The following PTPRG variants were observed in gnomAD, a reference collection of about 807,000 sequenced individuals.
The protein encoded by PTPRG is receptor-type tyrosine-protein phosphatase gamma.
A neutral mutation model predicts 165.3 loss-of-function variants in PTPRG; 102 were observed. The ratio of observed to expected loss-of-function variants is 0.62; its 90% CI spans 0.53 to 0.73. PTPRG has a LOEUF of 0.73. Ranked by LOEUF, PTPRG falls within the 30% of genes least tolerant of loss-of-function variation. PTPRG has a pLI of 0.00. For missense variants in PTPRG, 1,866 were observed against 1,861.4 expected (o/e 1.00, Z -0.05); for synonymous variants, 675 against 669.5 (o/e 1.01, Z -0.13).
At chr3:62,141,915 T>C (rs908496207) in intron 6 of PTPRG, among the ~76,000 whole-genome samples, 1 of 151,206 alleles carries the variant, frequency 6.6e-6, no homozygotes, top group Non-Finnish European at 1.5e-5. Flanking sequence ...AAAGAAGACA[T>C]GTGGGCAAGA....
At chr3:61,992,170 A>G (rs1213699427) in intron 3 of PTPRG, among the ~76,000 whole-genome samples, 1 of 152,178 alleles carries the variant, frequency 6.6e-6, no homozygotes, top group African/African-American at 2.4e-5. Flanking sequence ...TAAATACTCT[A>G]AGATGATTCT....
chr3:62,200,363 C>T (rs998223610), intron 10 of PTPRG, among the ~76,000 whole-genome samples: 5 of 152,216 alleles, frequency 3.3e-5, no homozygotes, highest in Admixed American at 1.3e-4. Context: ...CTCCACCTCC[C>T]GGATTCAAGC....
intron 1 of PTPRG, among the ~76,000 whole-genome samples, chr3:61,571,695 G>T (rs903424131): frequency 6.6e-6 from 1 of 152,138 alleles, no homozygotes; most frequent in African/African-American, 2.4e-5. Context: ...TGTAATTTGA[G>T]AACTTTTGTT....
intron 4 of PTPRG, among the ~76,000 whole-genome samples, chr3:62,020,754 TCC>T (rs1329734322): frequency 6.6e-6 from 1 of 152,128 alleles, no homozygotes; most frequent in Middle Eastern, 3.4e-3. Context: ...TTGCTCTGTC[TCC>T]CAGGCTGGAA....
In PTPRG at chr3:61,571,559, A is replaced by G. The variant is rs141435578; in HGVS notation, c.85+9187A>G. 6.3e-3 allele frequency among the ~76,000 whole-genome samples: 955 copies of G among 152,284 alleles called. 11 individuals are homozygous for G. The highest frequency in any genetic ancestry group is 0.01 in the Non-Finnish European group (707 of 68,008). Reference sequence around the variant, plus strand: ...TTTATTTGGTTACGTTGAAGAGATGACCTTTCAGCAAATTACTTTAGCTTC... The same window carrying G: ...TTTATTTGGTTACGTTGAAGAGATGGCCTTTCAGCAAATTACTTTAGCTTC... On this transcript the variant is annotated intron_variant, in intron 1 of 29. Coordinates refer to ENST00000474889, the MANE Select transcript of PTPRG (RefSeq NM_002841.4).
At chr3:61,977,115 T>TA (rs1267956072) in intron 2 of PTPRG, among the ~76,000 whole-genome samples, 3 of 152,174 alleles carry the variant, frequency 2.0e-5, no homozygotes, top group African/African-American at 7.2e-5. Flanking sequence ...ATACCACAGA[T>TA]AGATTGTATA....
intron 2 of PTPRG, among the ~76,000 whole-genome samples, chr3:61,828,704 T>C (rs1209250342): frequency 6.6e-6 from 1 of 152,176 alleles, no homozygotes; most frequent in Non-Finnish European, 1.5e-5. Context: ...AGTATTGGAC[T>C]TGAGCCAATG....
intron 2 of PTPRG, among the ~76,000 whole-genome samples, chr3:61,859,485 C>T (rs547149894): frequency 6.6e-6 from 1 of 152,220 alleles, no homozygotes; most frequent in South Asian, 2.1e-4. Flanking sequence ...TCCCCCTATG[C>T]CTCTGTCCCC....
intron 1 of PTPRG, among the ~76,000 whole-genome samples, chr3:61,708,778 C>G (rs1254365612): frequency 6.6e-6 from 1 of 152,094 alleles, no homozygotes; most frequent in Non-Finnish European, 1.5e-5. Flanking sequence ...TTAAATTGAG[C>G]AATGCATAAA....
intron 7 of PTPRG, among the ~76,000 whole-genome samples, chr3:62,160,187 T>A (rs1704695401): frequency 6.6e-6 from 1 of 152,226 alleles, no homozygotes. Context: ...ATATTCACCA[T>A]GAAATATAAC....
At chr3:62,064,037 A>T (rs1399711614) in intron 4 of PTPRG, among the ~76,000 whole-genome samples, 1 of 151,990 alleles carries the variant, frequency 6.6e-6, no homozygotes, top group East Asian at 1.9e-4. Context: ...CCCTAAATGG[A>T]TCTATTAGAT....
intron 5 of PTPRG, among the ~76,000 whole-genome samples, chr3:62,093,405 G>A (rs1478144355): frequency 3.3e-5 from 5 of 152,210 alleles, no homozygotes; most frequent in African/African-American, 7.2e-5. Flanking sequence ...ACGGCAGGAA[G>A]CCAAGTGATC....
intron 3 of PTPRG, among the ~76,000 whole-genome samples, chr3:61,996,622 T>C (rs1401523867): frequency 6.6e-6 from 1 of 152,242 alleles, no homozygotes; most frequent in East Asian, 1.9e-4. Flanking sequence ...GGGGCATCTC[T>C]GGTTAGCTTA....
chr3:61,683,955 A>C (rs1167196029), intron 1 of PTPRG, among the ~76,000 whole-genome samples: 5 of 152,220 alleles, frequency 3.3e-5, no homozygotes, highest in African/African-American at 1.2e-4. Context: ...TATTGGTAAC[A>C]TTTAGAAATG....
At chr3:61,911,064 A>G (rs1231824357) in intron 2 of PTPRG, among the ~76,000 whole-genome samples, 1 of 151,702 alleles carries the variant, frequency 6.6e-6, no homozygotes, top group Admixed American at 6.6e-5. Flanking sequence ...GATAACGTCT[A>G]CTCTTCCAGT....
intron 7 of PTPRG, among the ~76,000 whole-genome samples, chr3:62,161,185 G>A (rs1246526555): frequency 6.6e-6 from 1 of 152,168 alleles, no homozygotes; most frequent in East Asian, 1.9e-4. Context: ...TATGTATAAA[G>A]TGCACATCAC....
At chr3:61,903,405 G>T (rs1422943164) in intron 2 of PTPRG, among the ~76,000 whole-genome samples, 1 of 152,126 alleles carries the variant, frequency 6.6e-6, no homozygotes, top group Non-Finnish European at 1.5e-5. Flanking sequence ...ACGGAGTCTT[G>T]TTCTGTCTCC....
intron 1 of PTPRG, among the ~76,000 whole-genome samples, chr3:61,678,992 C>T (rs75098119): frequency 4.6e-5 from 7 of 151,816 alleles, no homozygotes; most frequent in Non-Finnish European, 1.0e-4. Context: ...CGTTAAGTGA[C>T]GACAGTCATC....
chr3:62,231,302 A>T lies in PTPRG; in HGVS notation c.2366A>T (p.Lys789Met). The change falls in exon 14 of 30, where the codon AAG (lysine) becomes ATG (methionine). Residue 789 changes from lysine (K) to methionine (M), a missense_variant. This residue lies in a region of PTPRG where 1,452 missense variants were observed against 1,463.0 expected (regional missense o/e 0.99). Transcript: ENST00000474889. ...EVPSSGERGE[K>M]GSRKCFQTAH... Reference sequence around the variant, plus strand: ...CCTTCTTCTGGGGAGAGAGGAGAGAAGGGGAGCAGGTGAGGGGCGGTCAAG... The same window carrying T: ...CCTTCTTCTGGGGAGAGAGGAGAGATGGGGAGCAGGTGAGGGGCGGTCAAG... The T allele has an allele frequency of 6.3e-7, 1 of 1,593,246 alleles. No homozygotes were observed. The highest frequency in any genetic ancestry group is 2.3e-5 in the East Asian group (1 of 43,574).
Sources: gnomAD v4.1 joint callset for allele counts (sites outside exome capture counted in the v4.1 genomes callset) on GRCh38, gnomAD v4.1.1 for gene constraint, gnomAD v4.1.1 regional missense constraint, MANE v1.5 for transcripts, NCBI Gene and HGNC (gene_info 2026-07-23, HGNC 2026-07-21) for gene names.